Variants in SH3GL3 observed in about 807,000 individuals in gnomAD.
The protein encoded by SH3GL3 is endophilin-A3.
In SH3GL3, 33 loss-of-function variants were observed where a neutral mutation model predicts 47.7. That is an observed-to-expected ratio of 0.69 (90% CI 0.52 to 0.92). SH3GL3 has a LOEUF of 0.92. Among genes scored for constraint, SH3GL3 ranks in the 40% least tolerant of loss-of-function variants. SH3GL3 has a pLI of 0.00. For synonymous variants in SH3GL3, 155 were observed against 148.8 expected, an observed-to-expected ratio of 1.04 and a Z score of -0.30; for missense variants, 363 against 417.8, an observed-to-expected ratio of 0.87 and a Z score of 1.14.
chr15:83,482,793 A>C (rs2041425736), intron 1 of SH3GL3, among the ~76,000 whole-genome samples: 1 of 152,128 alleles, frequency 6.6e-6, no homozygotes, highest in East Asian at 1.9e-4. Context: ...CGCTCGGCTG[A>C]GCCTTCTTAA....
rs535569412 is a variant in SH3GL3 at position 83,530,812 on chromosome 15, T to C, written c.46-28441T>C. On this transcript the variant is annotated intron_variant, in intron 1 of 8. Coordinates refer to ENST00000427482, the MANE Select transcript of SH3GL3 (RefSeq NM_003027.5). ...TTCATCTTTTCCATTATTTGTTAATTTGCCATCTAGCAATTGTATGATGAC... is the reference window on the plus strand; with the variant it reads ...TTCATCTTTTCCATTATTTGTTAATCTGCCATCTAGCAATTGTATGATGAC... Among the ~76,000 whole-genome samples the C allele has an allele frequency of 8.5e-5, 13 of 152,314 alleles. No individual in the cohort carries two copies. The South Asian group carries it at 2.5e-3, about 29-fold the overall frequency.
In SH3GL3 at chr15:83,488,042, A is replaced by AT. The variant is rs1012338053; in HGVS notation, c.45+40473dup. ...AGGCACATGCCACCAAGCCCGTCTAATTTTTTTTTGTATTTTAGTAGAGAT... is the reference window on the plus strand; with the variant it reads ...AGGCACATGCCACCAAGCCCGTCTAATTTTTTTTTTGTATTTTAGTAGAGAT... On this transcript the variant is annotated intron_variant, in intron 1 of 8. Transcript: ENST00000427482. 16 of 150,330 alleles carry AT rather than the reference A, an allele frequency of 1.1e-4. 1 individual carries two copies. In the South Asian group the frequency reaches 1.7e-3, roughly 16 times the overall value. 9.3% of individuals were successfully genotyped at this position (150,330 alleles called of 1,614,324 possible). A position where few individuals can be genotyped will look rare whatever the true frequency, so the allele number is the denominator to read the frequency against.
chr15:83,538,688 A>G (rs1279454676), intron 1 of SH3GL3, among the ~76,000 whole-genome samples: 1 of 152,164 alleles, frequency 6.6e-6, no homozygotes, highest in Admixed American at 6.6e-5. Flanking sequence ...ATGTTGTTAC[A>G]TATTATGGGA....
Position 83,469,516 on chromosome 15 carries a change from G to A in SH3GL3, c.45+21938G>A, listed in dbSNP as rs554137390. Among the ~76,000 whole-genome samples, 13 of 152,112 alleles carry A rather than the reference G, an allele frequency of 8.5e-5. No homozygotes were observed. In the South Asian group the frequency reaches 2.5e-3, roughly 29 times the overall value. ...TGTGCCTCACTAATTGTGATATGTTGTAGTTTAATTTTCATTCAATTCAAT... is the reference window on the plus strand; with the variant it reads ...TGTGCCTCACTAATTGTGATATGTTATAGTTTAATTTTCATTCAATTCAAT... On this transcript the variant is annotated intron_variant, in intron 1 of 8. Transcript: ENST00000427482.
intron 1 of SH3GL3, among the ~76,000 whole-genome samples, chr15:83,478,144 G>A (rs928777765): frequency 6.6e-6 from 1 of 152,184 alleles, no homozygotes; most frequent in African/African-American, 2.4e-5. Context: ...TAGTCATTCT[G>A]AGAAGACCAG....
At chr15:83,553,514 C>G (rs1240304000) in intron 1 of SH3GL3, among the ~76,000 whole-genome samples, 1 of 152,084 alleles carries the variant, frequency 6.6e-6, no homozygotes, top group Non-Finnish European at 1.5e-5. Flanking sequence ...TTTATTCTCC[C>G]TTGTTTTCTT....
intron 5 of SH3GL3, among the ~76,000 whole-genome samples, chr15:83,575,169 G>A (rs2059641050): frequency 6.6e-6 from 1 of 152,180 alleles, no homozygotes; most frequent in African/African-American, 2.4e-5. Flanking sequence ...TCTGGGTTCT[G>A]GGGATGCCAA....
chr15:83,487,660 A>C (rs1181192019), intron 1 of SH3GL3, among the ~76,000 whole-genome samples: 7 of 152,126 alleles, frequency 4.6e-5, no homozygotes, highest in Non-Finnish European at 8.8e-5. Context: ...GTGTTGGCAC[A>C]CAGATGTGAT....
intron 1 of SH3GL3, among the ~76,000 whole-genome samples, chr15:83,535,103 AG>A (rs59026028): frequency 0.25 from 38,546 of 151,766 alleles, 5,045 homozygotes; most frequent in African/African-American, 0.28. Context: ...TGTAAAAAAA[AG>A]GCAAACACTA....
At chr15:83,522,618 T>A (rs1360331132) in intron 1 of SH3GL3, among the ~76,000 whole-genome samples, 1 of 152,230 alleles carries the variant, frequency 6.6e-6, no homozygotes, top group African/African-American at 2.4e-5. Flanking sequence ...AAGCCACTAA[T>A]CACAATTTCT....
At chr15:83,505,155 G>A (rs956858219) in intron 1 of SH3GL3, among the ~76,000 whole-genome samples, 1 of 152,072 alleles carries the variant, frequency 6.6e-6, no homozygotes, top group Non-Finnish European at 1.5e-5. Context: ...TCCTGGGTTT[G>A]AGACTATTAT....
intron 1 of SH3GL3, among the ~76,000 whole-genome samples, chr15:83,493,258 A>G (rs561651291): frequency 1.1e-4 from 16 of 152,198 alleles, no homozygotes; most frequent in South Asian, 4.2e-4. Flanking sequence ...GGCACCAGGG[A>G]GGGGATCCGG....
chr15:83,467,120 A>G lies in SH3GL3; in HGVS notation c.45+19542A>G, dbSNP rs1340920738. 2.0e-5 allele frequency among the ~76,000 whole-genome samples: 3 copies of G among 152,242 alleles called. No individual in the cohort carries two copies. The East Asian group carries it at 5.8e-4, about 29-fold the overall frequency. On this transcript the variant is annotated intron_variant, in intron 1 of 8. Transcript: ENST00000427482. ...GGAGTCTAAGAACTCTTGCTTAGTC[A>G]GAGATCATGAAGATTTTCTCCTATG... is the stretch of plus-strand genomic sequence containing the variant.
intron 1 of SH3GL3, among the ~76,000 whole-genome samples, chr15:83,483,293 A>G (rs1367622866): frequency 6.6e-6 from 1 of 152,198 alleles, no homozygotes; most frequent in Non-Finnish European, 1.5e-5. Flanking sequence ...AGTGCGGCCC[A>G]GTGCAAACTT....
Position 83,588,866 on chromosome 15 carries a change from C to T in SH3GL3, c.838+95C>T, listed in dbSNP as rs189800823. 304 of 708,726 alleles carry T rather than the reference C, an allele frequency of 4.3e-4. No homozygotes were observed. The African/African-American group carries it at 4.8e-3, about 11-fold the overall frequency. 43.9% of individuals were successfully genotyped at this position (708,726 alleles called of 1,614,324 possible). A position where few individuals can be genotyped will look rare whatever the true frequency, so the allele number is the denominator to read the frequency against. On this transcript the variant is annotated intron_variant, in intron 8 of 8. Coordinates refer to ENST00000427482, the MANE Select transcript of SH3GL3 (RefSeq NM_003027.5). The stretch of plus-strand genomic sequence containing the variant: ...TTGTTTCTGGGTCAGTGAATACACA[C>T]AGACCCTGGATATCTTTCTTTGGTT...
chr15:83,618,346 C>A lies in SH3GL3; in HGVS notation c.*59C>A. On this transcript the variant is annotated 3_prime_UTR_variant, in exon 9 of 9. Coordinates refer to ENST00000427482, the MANE Select transcript of SH3GL3 (RefSeq NM_003027.5). ...ACTGAAATGAATTCACACCAGTGTG[C>A]TCTCAGTGCGGTGTTCTGTGACATC... is the stretch of plus-strand genomic sequence containing the variant. The A allele has an allele frequency of 9.3e-7, 1 of 1,075,518 alleles. No homozygotes were observed. The highest frequency in any genetic ancestry group is 1.4e-6 in the Non-Finnish European group (1 of 690,962). The allele number at this position is 1,075,518 out of a possible 1,614,324, so 66.6% of individuals were successfully genotyped here.
intron 1 of SH3GL3, among the ~76,000 whole-genome samples, chr15:83,553,021 C>CT (rs1324182587): frequency 2.0e-5 from 3 of 152,080 alleles, no homozygotes; most frequent in African/African-American, 7.2e-5. Context: ...AATCCCAGCA[C>CT]TTTAGGAGGT....
intron 8 of SH3GL3, among the ~76,000 whole-genome samples, chr15:83,615,604 A>C (rs2060791635): frequency 6.6e-6 from 1 of 152,012 alleles, no homozygotes; most frequent in African/African-American, 2.4e-5. Context: ...GAGCCACCAC[A>C]CCCGGCCTGT....
chr15:83,612,290 T>C (rs935612622), intron 8 of SH3GL3, among the ~76,000 whole-genome samples: 1 of 152,188 alleles, frequency 6.6e-6, no homozygotes, highest in African/African-American at 2.4e-5. Flanking sequence ...TGGTGGCAGG[T>C]AGGGAGGCTC....
Sources: allele counts gnomAD v4.1 joint callset (sites outside exome capture counted in the v4.1 genomes callset), GRCh38; gene constraint gnomAD v4.1.1; transcripts MANE v1.5; gene names NCBI Gene and HGNC (gene_info 2026-07-23, HGNC 2026-07-21).